Variants in OXGR1 observed in about 807,000 individuals in gnomAD.
The protein encoded by OXGR1 is oxoglutarate receptor 1, also known as 2-oxoglutarate receptor 1.
Under a neutral mutation model 10.0 loss-of-function variants are expected in OXGR1, and 10 were observed. The observed-to-expected ratio is 1.00, with a 90% CI of 0.62 to 1.70. The LOEUF (loss-of-function observed/expected upper bound fraction) is 1.70. Ranked by LOEUF, OXGR1 falls within the 40% of genes most tolerant of loss-of-function variation. The pLI is 0.00. For synonymous variants in OXGR1, 191 were observed against 155.9 expected (o/e 1.22, Z -1.68); for missense variants, 398 against 407.6 (o/e 0.98, Z 0.20).
In OXGR1 at chr13:96,987,325, G is replaced by A. The variant is rs1593972315; in HGVS notation, c.435C>T (p.His145=). ...AGGCTACAACTGCACATCGAGTTTT[G>A]TGAATGGAAAAGCAGCTCATTGGGT... ...IIHPMSCFSI[H]KTRCAVVACA... The change falls in exon 4 of 4, where the codon CAC becomes CAT. Residue 145 remains histidine, a synonymous_variant. Transcript: ENST00000541038. The A allele has an allele frequency of 1.2e-6, 2 of 1,614,238 alleles. No individual in the cohort carries two copies. The highest frequency in any genetic ancestry group is 8.5e-7 in the Non-Finnish European group (1 of 1,180,044).
intron 3 of OXGR1, among the ~76,000 whole-genome samples, chr13:96,988,294 G>T (rs1250017207): frequency 2.0e-5 from 3 of 151,992 alleles, no homozygotes; most frequent in Admixed American, 2.0e-4. Context: ...CTCGTCTCTG[G>T]TAACACATCT....
In OXGR1 at chr13:96,987,809, T is replaced by C. The variant is rs1369241112; in HGVS notation, c.-50A>G. 1 of 1,515,250 alleles carries C rather than the reference T, an allele frequency of 6.6e-7. No individual in the cohort carries two copies. The highest frequency in any genetic ancestry group is 8.8e-7 in the Non-Finnish European group (1 of 1,133,164). The allele number at this position is 1,515,250 out of a possible 1,614,324, so 93.9% of individuals were successfully genotyped here. On this transcript the variant is annotated 5_prime_UTR_variant, in exon 4 of 4. The change creates a new upstream start codon in the 5' untranslated region. Transcript: ENST00000541038. ...AAAACAAGAGAGTTCAGTTTGGCAA[T>C]ATGAATCAAATGAGCAGTAACTCGC...
At position 96,987,670 on chromosome 13, in the gene OXGR1, T is replaced by C. The variant is rs1415983539; in HGVS notation, c.90A>G (p.Pro30=). 1.2e-6 allele frequency: 2 copies of C among 1,613,912 alleles called. No homozygotes were observed. The highest frequency in any genetic ancestry group is 2.2e-5 in the East Asian group (1 of 44,888). The change falls in exon 4 of 4, where the codon CCA becomes CCG. Residue 30 remains proline, a synonymous_variant. Coordinates refer to ENST00000541038, the MANE Select transcript of OXGR1 (RefSeq NM_001346194.2). ...TAACAGGGAGGTAGTGCATCTTGAG[T>C]GGGATGTTTTCATCAGTGCAATTTC... The part of the protein sequence containing the change: ...AFGNCTDENI[P]LKMHYLPVIY...
In OXGR1 at chr13:96,986,953, C is replaced by A; in HGVS notation, c.807G>T (p.Leu269=). 1 of 1,614,176 alleles carries A rather than the reference C, an allele frequency of 6.2e-7. No individual in the cohort carries two copies. The change falls in exon 4 of 4, where the codon CTG becomes CTT. Residue 269 remains leucine, a synonymous_variant. Transcript: ENST00000541038. The part of the protein sequence containing the change: ...ILRVIRIESR[L]LSISCSIENQ... ...TCTCAATGGAACAACTGATTGAAAG[C>A]AGGCGAGATTCGATCCGAATGACCC...
chr13:96,993,827 C>A (rs1372994281), intron 1 of OXGR1, among the ~76,000 whole-genome samples: 1 of 151,804 alleles, frequency 6.6e-6, no homozygotes, highest in Admixed American at 6.6e-5. Flanking sequence ...GGGGGTGGGG[C>A]AGAGTCTTTG....
In OXGR1 at chr13:96,985,830, T is replaced by C. The variant is rs1593970054; in HGVS notation, c.*916A>G. 6.6e-6 allele frequency: 1 copy of C among 152,204 alleles called. No individual in the cohort carries two copies. The highest frequency in any genetic ancestry group is 1.9e-4 in the East Asian group (1 of 5,202). The allele number at this position is 152,204 out of a possible 1,614,324, so 9.4% of individuals were successfully genotyped here. A position where few individuals can be genotyped will look rare whatever the true frequency, so the allele number is the denominator to read the frequency against. On this transcript the variant is annotated 3_prime_UTR_variant, in exon 4 of 4. Transcript: ENST00000541038. ...TACCGATAATTAAGCACACATACAATTCAAAAATATCTTTAGCTATCACAT... is the reference window on the plus strand; with the variant it reads ...TACCGATAATTAAGCACACATACAACTCAAAAATATCTTTAGCTATCACAT...
intron 3 of OXGR1, 95 bp from the exon 4 acceptor site, chr13:96,987,928 T>TTC (rs2138892625): frequency 2.4e-6 from 2 of 836,686 alleles, no homozygotes; most frequent in Non-Finnish European, 3.4e-6. Context: ...AATTTGCCAC[T>TTC]TCTCTCTCTT....
chr13:96,990,707 G>T (rs1243767025), intron 2 of OXGR1, among the ~76,000 whole-genome samples: 2 of 152,152 alleles, frequency 1.3e-5, no homozygotes, highest in African/African-American at 4.8e-5. Context: ...ACTTTGGGAG[G>T]CTGAGGCAGG....
At position 96,986,392 on chromosome 13, in the gene OXGR1, C is replaced by T. The variant is rs1881740610; in HGVS notation, c.*354G>A. 3 of 204,562 alleles carry T rather than the reference C, an allele frequency of 1.5e-5. No individual in the cohort carries two copies. In the South Asian group the frequency reaches 3.1e-4, roughly 21 times the overall value. 12.7% of individuals were successfully genotyped at this position (204,562 alleles called of 1,614,324 possible). ...AGTGAAAAGATTGGTTTTCTCCTAT[C>T]TTGGCACAAATTTACTGAGCAATCT... On this transcript the variant is annotated 3_prime_UTR_variant, in exon 4 of 4. Coordinates refer to ENST00000541038, the MANE Select transcript of OXGR1 (RefSeq NM_001346194.2).
chr13:96,990,372 C>T (rs1881990081), intron 2 of OXGR1, among the ~76,000 whole-genome samples: 1 of 152,108 alleles, frequency 6.6e-6, no homozygotes, highest in Non-Finnish European at 1.5e-5. Context: ...TTTAGTAACG[C>T]CCAAAATAAT....
At position 96,986,428 on chromosome 13, in the gene OXGR1, T is replaced by G. The variant is rs1881741705; in HGVS notation, c.*318A>C. 1 of 250,268 alleles carries G rather than the reference T, an allele frequency of 4.0e-6. No individual in the cohort carries two copies. Among genetic ancestry groups the G allele is most frequent in the Admixed American group, 5.0e-5 (1 of 19,842 alleles). 15.5% of individuals were successfully genotyped at this position (250,268 alleles called of 1,614,324 possible). On this transcript the variant is annotated 3_prime_UTR_variant, in exon 4 of 4. Transcript: ENST00000541038. Reference sequence around the variant, plus strand: ...TTTACTGAGCAATCTAGGGCAAGGGTAAGAAATTGGTTTCCGTGTATATAT... The same window carrying G: ...TTTACTGAGCAATCTAGGGCAAGGGGAAGAAATTGGTTTCCGTGTATATAT...
At chr13:96,989,220 C>A (rs1032219846) in intron 3 of OXGR1, among the ~76,000 whole-genome samples, 3 of 151,770 alleles carry the variant, frequency 2.0e-5, no homozygotes, top group Non-Finnish European at 4.4e-5. Flanking sequence ...AGTCTGCCAC[C>A]ATTATTACTA....
intron 1 of OXGR1, among the ~76,000 whole-genome samples, chr13:96,992,921 C>T (rs978859589): frequency 1.3e-5 from 2 of 152,176 alleles, no homozygotes; most frequent in Admixed American, 1.3e-4. Context: ...AATCTGTTAC[C>T]TTCTCTCCAG....
chr13:96,994,277 C>G (rs1882206071), intron 1 of OXGR1, 21 bp downstream of exon 1: 1 of 152,642 alleles, frequency 6.6e-6, no homozygotes. Flanking sequence ...GGGCCCCGCT[C>G]CCCGATCACG....
chr13:96,986,830 C>T lies in OXGR1; in HGVS notation c.930G>A (p.Gln310=). 1 of 1,614,164 alleles carries T rather than the reference C, an allele frequency of 6.2e-7. No homozygotes were observed. Among genetic ancestry groups the T allele is most frequent in the Non-Finnish European group, 8.5e-7 (1 of 1,180,030 alleles). Residue 310 remains glutamine, a synonymous_variant, in exon 4 of 4, where the codon CAG becomes CAA. Coordinates refer to ENST00000541038, the MANE Select transcript of OXGR1 (RefSeq NM_001346194.2). ...LLYVVVSDNF[Q]QAVCSTVRCK... ...ATCTCACTGTTGAGCAGACAGCCTGCTGAAAGTTGTCGCTGACCACCACAT... is the reference window on the plus strand; with the variant it reads ...ATCTCACTGTTGAGCAGACAGCCTGTTGAAAGTTGTCGCTGACCACCACAT...
At chr13:96,988,662 G>A (rs561202549) in intron 3 of OXGR1, among the ~76,000 whole-genome samples, 1 of 152,300 alleles carries the variant, frequency 6.6e-6, no homozygotes, top group African/African-American at 2.4e-5. Flanking sequence ...CCTGAAGCCA[G>A]ATGGCCAGAT....
rs117324776 is a variant in OXGR1 at position 96,993,392 on chromosome 13, G to C, written c.-277-820C>G. Among the ~76,000 whole-genome samples, 30 of 152,072 alleles carry C rather than the reference G, an allele frequency of 2.0e-4. No homozygotes were observed. In the East Asian group the frequency reaches 4.5e-3, roughly 23 times the overall value. ...TTCCACCACGTCTGGCTAATTTTTT[G>C]TATTTGTATAGAGACAGGGTTTCAC... On this transcript the variant is annotated intron_variant, in intron 1 of 3. Transcript: ENST00000541038.
Position 96,987,041 on chromosome 13 carries a change from C to T in OXGR1, c.719G>A (p.Arg240Gln), listed in dbSNP as rs567380151. 1.8e-4 allele frequency: 290 copies of T among 1,614,166 alleles called. 4 individuals are homozygous for T. The South Asian group carries it at 3.0e-3, about 17-fold the overall frequency. Reference protein sequence around the residue: ...QTDSCLKQKARRLTILLLLAF... With the variant: ...QTDSCLKQKAQRLTILLLLAF... Reference sequence around the variant, plus strand: ...AAGGAGTAGCAGAATGGTTAGCCTTCGTGCTTTCTGCTTAAGGCAGCTGTC... The same window carrying T: ...AAGGAGTAGCAGAATGGTTAGCCTTTGTGCTTTCTGCTTAAGGCAGCTGTC... The change falls in exon 4 of 4, where the codon CGA becomes CAA. Residue 240 changes from arginine to glutamine, a missense_variant. Arg to Gln is a conservative substitution (Grantham distance 43). Coordinates refer to ENST00000541038, the MANE Select transcript of OXGR1 (RefSeq NM_001346194.2).
In OXGR1 at chr13:96,987,510, T is replaced by C. The variant is rs1194020306; in HGVS notation, c.250A>G (p.Thr84Ala). Residue 84 changes from threonine (T) to alanine (A), a missense_variant, in exon 4 of 4, where the codon ACC (threonine) becomes GCC (alanine). Physicochemically the swap from Thr to Ala is moderately conservative, Grantham distance 58. Transcript: ENST00000541038. The part of the protein sequence containing the change: ...NLACTDLLYL[T>A]SLPFLIHYYA... Reference sequence around the variant, plus strand: ...TAGTGAATCAGGAAGGGGAGGCTGGTCAGATACAGCAGATCTGTGCAGGCC... The same window carrying C: ...TAGTGAATCAGGAAGGGGAGGCTGGCCAGATACAGCAGATCTGTGCAGGCC... 1 of 1,614,196 alleles carries C rather than the reference T, an allele frequency of 6.2e-7. No individual in the cohort carries two copies. Among genetic ancestry groups the C allele is most frequent in the Non-Finnish European group, 8.5e-7 (1 of 1,180,030 alleles).
Sources: allele counts gnomAD v4.1 joint callset (sites outside exome capture counted in the v4.1 genomes callset), GRCh38; gene constraint gnomAD v4.1.1; transcripts MANE v1.5; gene names NCBI Gene and HGNC (gene_info 2026-07-23, HGNC 2026-07-21).